The following PIEZO2 variants were observed in gnomAD, a reference collection of about 807,000 sequenced individuals.
The protein encoded by PIEZO2 is piezo type mechanosensitive ion channel component 2.
In PIEZO2, 172 loss-of-function variants were observed where a neutral mutation model predicts 337.3. That is an observed-to-expected ratio of 0.51 (90% CI 0.45 to 0.58). The LOEUF (loss-of-function observed/expected upper bound fraction) is 0.58. Among genes scored for constraint, PIEZO2 ranks in the 20% least tolerant of loss-of-function variants. The probability of loss-of-function intolerance (pLI) is 0.00; values close to 1 mark genes in which losing one functional copy is unlikely to be tolerated. For missense variants in PIEZO2, 3,028 were observed against 3,391.3 expected (o/e 0.89, Z 2.66); for synonymous variants, 1,251 against 1,228.5 (o/e 1.02, Z -0.38).
chr18:10,762,395 A>G, intron 23 of PIEZO2, 105 bp downstream of exon 23: 1 of 1,341,030 alleles, frequency 7.5e-7, no homozygotes, highest in South Asian at 1.5e-5. Context: ...CCACATGAGA[A>G]GATATGGTTA....
At chr18:10,809,118 G>A (rs975057091) in intron 7 of PIEZO2, among the ~76,000 whole-genome samples, 2 of 152,010 alleles carry the variant, frequency 1.3e-5, no homozygotes, top group African/African-American at 2.4e-5. Context: ...TGAATAATAA[G>A]ACTTAGATTT....
intron 2 of PIEZO2, among the ~76,000 whole-genome samples, chr18:10,991,664 A>G (rs1211350223): frequency 6.6e-6 from 1 of 152,088 alleles, no homozygotes; most frequent in African/African-American, 2.4e-5. Flanking sequence ...AGTCTTTGTT[A>G]TCGTGAATAG....
intron 3 of PIEZO2, among the ~76,000 whole-genome samples, chr18:10,976,895 C>T (rs191797026): frequency 1.3e-5 from 2 of 152,204 alleles, no homozygotes; most frequent in African/African-American, 4.8e-5. Flanking sequence ...TCACCATCAC[C>T]TCCCTTCACC....
rs371898259 is a variant in PIEZO2 at position 10,865,418 on chromosome 18, G to T, written c.492+5835C>A. On this transcript the variant is annotated intron_variant, in intron 5 of 55. Transcript: ENST00000674853. ...CCTTGCTGAGAGGCAGTGGCTGCTTGGTGAGGATTGTGGCAGTGAGTAGAG... is the reference window on the plus strand; with the variant it reads ...CCTTGCTGAGAGGCAGTGGCTGCTTTGTGAGGATTGTGGCAGTGAGTAGAG... Among the ~76,000 whole-genome samples the T allele has an allele frequency of 5.9e-5, 9 of 152,298 alleles. No homozygotes were observed. In the East Asian group the frequency reaches 1.2e-3, roughly 20 times the overall value.
chr18:11,010,987 A>G (rs1203397284), intron 2 of PIEZO2, among the ~76,000 whole-genome samples: 1 of 152,240 alleles, frequency 6.6e-6, no homozygotes, highest in East Asian at 1.9e-4. Context: ...ATGCGACATC[A>G]GTTCATTGTA....
Position 10,775,510 on chromosome 18 carries a change from A to G in PIEZO2, c.2535-1472T>C, listed in dbSNP as rs1028078263. On this transcript the variant is annotated intron_variant, in intron 18 of 55. Transcript: ENST00000674853. The surrounding 1 kb of genome is among the most constrained non-coding windows in gnomAD (Gnocchi z 4.3). ...CTCAGAGTGAATCTTAAAGGTCTACATTGACACTGCTGCAATCTCATACGA... is the reference window on the plus strand; with the variant it reads ...CTCAGAGTGAATCTTAAAGGTCTACGTTGACACTGCTGCAATCTCATACGA... Among the ~76,000 whole-genome samples the G allele has an allele frequency of 6.6e-6, 1 of 152,206 alleles. No individual in the cohort carries two copies. The highest frequency in any genetic ancestry group is 1.5e-5 in the Non-Finnish European group (1 of 68,048).
Position 10,956,697 on chromosome 18 carries a change from G to A in PIEZO2, c.286+22838C>T, listed in dbSNP as rs1054563211. On this transcript the variant is annotated intron_variant, in intron 3 of 55. Coordinates refer to ENST00000674853, the MANE Select transcript of PIEZO2 (RefSeq NM_001378183.1). Reference sequence around the variant, plus strand: ...CATAAAAACAACATCCAGGCCAGGCGCAGTGGCTCACGCCTATAATCCCAG... The same window carrying A: ...CATAAAAACAACATCCAGGCCAGGCACAGTGGCTCACGCCTATAATCCCAG... Among the ~76,000 whole-genome samples the A allele has an allele frequency of 3.9e-5, 6 of 152,188 alleles. No individual in the cohort carries two copies. The East Asian group carries it at 5.8e-4, about 15-fold the overall frequency.
chr18:11,036,923 T>G (rs2036941058), intron 2 of PIEZO2, among the ~76,000 whole-genome samples: 1 of 152,168 alleles, frequency 6.6e-6, no homozygotes, highest in Non-Finnish European at 1.5e-5. Context: ...ACCCAGGCAC[T>G]TCATACTTGC....
At position 11,092,880 on chromosome 18, in the gene PIEZO2, T is replaced by C. The variant is rs1015346071; in HGVS notation, c.65-26658A>G. Reference sequence around the variant, plus strand: ...AATCGCCAGCTCTCACATCTCTTGCTATTCCCCCTCAAGAACTGTTCTCAA... The same window carrying C: ...AATCGCCAGCTCTCACATCTCTTGCCATTCCCCCTCAAGAACTGTTCTCAA... On this transcript the variant is annotated intron_variant, in intron 1 of 55. Transcript: ENST00000674853. The surrounding 1 kb of genome is among the most constrained non-coding windows in gnomAD (Gnocchi z 4.5). Among the ~76,000 whole-genome samples, 1 of 152,210 alleles carries C rather than the reference T, an allele frequency of 6.6e-6. No homozygotes were observed. Among genetic ancestry groups the C allele is most frequent in the Admixed American group, 6.5e-5 (1 of 15,280 alleles).
rs962891085 is a variant in PIEZO2, at chr18:10,888,127, T to A, written c.330-16712A>T. Among the ~76,000 whole-genome samples the A allele has an allele frequency of 6.6e-6, 1 of 152,202 alleles. No individual in the cohort carries two copies. The highest frequency in any genetic ancestry group is 2.4e-5 in the African/African-American group (1 of 41,442). ...AATGGTGGTCATTGATGCCCCTAAATATGAATTGGTATTTGGCTGCAAGTA... is the reference window on the plus strand; with the variant it reads ...AATGGTGGTCATTGATGCCCCTAAAAATGAATTGGTATTTGGCTGCAAGTA... On this transcript the variant is annotated intron_variant, in intron 4 of 55. Transcript: ENST00000674853. This position sits in a 1 kb window ranked among gnomAD's most constrained non-coding sequence, Gnocchi z 4.1.
Position 10,855,632 on chromosome 18 carries a change from G to T in PIEZO2, c.704-66C>A. Reference sequence around the variant, plus strand: ...GAAATTCACTTATCATTCAGTGAATGTGACTATTTGAAATTATGTGAATTT... The same window carrying T: ...GAAATTCACTTATCATTCAGTGAATTTGACTATTTGAAATTATGTGAATTT... On this transcript the variant is annotated intron_variant, in intron 6 of 55. Transcript: ENST00000674853. This position sits in a 1 kb window ranked among gnomAD's most constrained non-coding sequence, Gnocchi z 4.9. 1 of 1,215,164 alleles carries T rather than the reference G, an allele frequency of 8.2e-7. No homozygotes were observed. Among genetic ancestry groups the T allele is most frequent in the Non-Finnish European group, 1.1e-6 (1 of 878,072 alleles). 75.3% of individuals were successfully genotyped at this position (1,215,164 alleles called of 1,614,324 possible).
At chr18:10,871,442 A>T in intron 4 of PIEZO2, 27 bp from the exon 5 acceptor site, 1 of 1,515,612 alleles carries the variant, frequency 6.6e-7, no homozygotes, top group Non-Finnish European at 8.8e-7. Flanking sequence ...AGGGGAGGGG[A>T]AAAAAATTTA....
rs1034404480 is a variant in PIEZO2, at chr18:10,899,458, T to C, written c.329+11728A>G. On this transcript the variant is annotated intron_variant, in intron 4 of 55. Transcript: ENST00000674853. The surrounding 1 kb of genome is among the most constrained non-coding windows in gnomAD (Gnocchi z 4.6). ...GTCATTTTAATTGAGCAGTAATGTC[T>C]TTGTCTCCAGTAAGGTGCTTCACTG... 1.7e-4 allele frequency among the ~76,000 whole-genome samples: 26 copies of C among 152,224 alleles called. No individual in the cohort carries two copies. Among genetic ancestry groups the C allele is most frequent in the African/African-American group, 6.0e-4 (25 of 41,462 alleles).
At chr18:10,790,299 C>T in intron 14 of PIEZO2, among the ~76,000 whole-genome samples, 1 of 152,148 alleles carries the variant, frequency 6.6e-6, no homozygotes, top group South Asian at 2.1e-4. Context: ...TGTATTCATT[C>T]TTATGGTTAC....
Position 10,856,851 on chromosome 18 carries a change from T to A in PIEZO2, c.703+150A>T. On this transcript the variant is annotated intron_variant, in intron 6 of 55. Coordinates refer to ENST00000674853, the MANE Select transcript of PIEZO2 (RefSeq NM_001378183.1). This position sits in a 1 kb window ranked among gnomAD's most constrained non-coding sequence, Gnocchi z 4.7. ...CGGAAAAATTATTTTGTGTGGTTTG[T>A]ACATGTGGCCAGTTTTACAAGAGCT... 1 of 744,388 alleles carries A rather than the reference T, an allele frequency of 1.3e-6. No individual in the cohort carries two copies. The highest frequency in any genetic ancestry group is 2.2e-6 in the Non-Finnish European group (1 of 463,916). 46.1% of individuals were successfully genotyped at this position (744,388 alleles called of 1,614,324 possible).
intron 3 of PIEZO2, among the ~76,000 whole-genome samples, chr18:10,968,277 T>G (rs2034098301): frequency 6.6e-6 from 1 of 152,248 alleles, no homozygotes; most frequent in Non-Finnish European, 1.5e-5. Context: ...TGGCTTTATT[T>G]CTGGGTTCTC....
chr18:10,951,755 A>G (rs2145317648), intron 3 of PIEZO2, among the ~76,000 whole-genome samples: 1 of 152,276 alleles, frequency 6.6e-6, no homozygotes, highest in South Asian at 2.1e-4. Flanking sequence ...GGACTTGTTG[A>G]TAAGTCTACC....
intron 2 of PIEZO2, among the ~76,000 whole-genome samples, chr18:10,997,790 G>C (rs183463715): frequency 4.6e-5 from 7 of 152,084 alleles, no homozygotes; most frequent in Non-Finnish European, 1.0e-4. Flanking sequence ...AAAATAAAAA[G>C]GTCTATCATT....
Position 10,714,327 on chromosome 18 carries a change from G to A in PIEZO2, c.5423+437C>T, listed in dbSNP as rs180739372. On this transcript the variant is annotated intron_variant, in intron 39 of 55. Coordinates refer to ENST00000674853, the MANE Select transcript of PIEZO2 (RefSeq NM_001378183.1). Reference sequence around the variant, plus strand: ...TGGAAGCTAACAGAATACTTTTTGGGAATTTTTATCATAAAACTTAAGGTA... The same window carrying A: ...TGGAAGCTAACAGAATACTTTTTGGAAATTTTTATCATAAAACTTAAGGTA... Among the ~76,000 whole-genome samples the A allele has an allele frequency of 4.0e-4, 61 of 152,234 alleles. 1 individual carries two copies. Among genetic ancestry groups the A allele is most frequent in the African/African-American group, 1.4e-3 (59 of 41,556 alleles).
Sources: allele counts gnomAD v4.1 joint callset (sites outside exome capture counted in the v4.1 genomes callset), GRCh38; gene constraint gnomAD v4.1.1; non-coding constraint Gnocchi (gnomAD v3.1); transcripts MANE v1.5; gene names NCBI Gene and HGNC (gene_info 2026-07-23, HGNC 2026-07-21).